Variants in GAREM2 observed in about 807,000 individuals in gnomAD.
GAREM2 encodes the protein GRB2 associated regulator of MAPK1 subtype 2.
Under a neutral mutation model 55.6 loss-of-function variants are expected in GAREM2, and 30 were observed. The ratio of observed to expected loss-of-function variants is 0.54; its 90% CI spans 0.40 to 0.73. The LOEUF is 0.73. Ranked by LOEUF, GAREM2 falls within the 30% of genes least tolerant of loss-of-function variation. GAREM2 has a pLI of 0.00. For missense variants in GAREM2, 1,075 were observed against 1,257.7 expected (o/e 0.85, Z 2.20); for synonymous variants, 550 against 569.1 (o/e 0.97, Z 0.48).
intron 2 of GAREM2, 104 bp from the exon 3 acceptor site, chr2:26,182,862 GC>G: frequency 3.6e-6 from 5 of 1,400,044 alleles, no homozygotes; most frequent in Non-Finnish European, 4.9e-6. Context: ...TTCCTGAGGG[GC>G]TGGCCGAGAT....
chr2:26,193,583 A>G (rs1187841029), downstream of GAREM2: 2 of 1,612,662 alleles, frequency 1.2e-6, no homozygotes, highest in Admixed American at 1.7e-5. Flanking sequence ...TCACCTAGGA[A>G]GCCCTTGGAC....
rs532158450 is a variant in GAREM2, at chr2:26,174,969, G to GC, written c.113-1370dup. On this transcript the variant is annotated intron_variant, in intron 1 of 5. Coordinates refer to ENST00000401533, the MANE Select transcript of GAREM2 (RefSeq NM_001168241.2). The stretch of plus-strand genomic sequence containing the variant: ...GCAGAGTTGGAGGAGAGCTTCTTGG[G>GC]CCCCCGGAGGTGAGGAGGTACAGGG... Among the ~76,000 whole-genome samples, 91 of 152,194 alleles carry GC rather than the reference G, an allele frequency of 6.0e-4. 2 individuals carry two copies. In the South Asian group the frequency reaches 0.018, roughly 30 times the overall value.
chr2:26,193,901 G>C, downstream of GAREM2: 1 of 721,650 alleles, frequency 1.4e-6, no homozygotes, highest in Non-Finnish European at 2.4e-6. Context: ...CCAGGCCCAG[G>C]ACTGGTGCTA....
At chr2:26,192,455 A>G (rs1558314086), downstream of GAREM2, 2 of 1,172,848 alleles carry the variant, frequency 1.7e-6, no homozygotes, top group Non-Finnish European at 2.6e-6. Flanking sequence ...GAGTGTTACT[A>G]TTTGTTCTCA....
Position 26,187,981 on chromosome 2 carries a change from C to T in GAREM2, c.2349C>T (p.Ala783=), listed in dbSNP as rs1054051134. The T allele has an allele frequency of 2.1e-6, 3 of 1,461,786 alleles. No homozygotes were observed. The highest frequency in any genetic ancestry group is 2.7e-6 in the Non-Finnish European group (3 of 1,101,852). 90.6% of individuals were successfully genotyped at this position (1,461,786 alleles called of 1,614,324 possible). The change falls in exon 6 of 6, where the codon GCC becomes GCT. Residue 783 remains alanine, a synonymous_variant. Transcript: ENST00000401533. ...AAGGGCGCCTGGAAGGGCCTCCTGC[C>T]AGTCCCCGGGATGGAGCCACAGGCT... is the stretch of plus-strand genomic sequence containing the variant. ...LTQGRLEGPP[A]SPRDGATGFG...
At chr2:26,195,106 T>C in the GAREM2 span, 1 of 1,613,618 alleles carries the variant, frequency 6.2e-7, no homozygotes, top group Non-Finnish European at 8.5e-7. Flanking sequence ...ACCACAATGA[T>C]GACCTTCCCC....
downstream of GAREM2, chr2:26,191,396 C>CTGAA: frequency 6.2e-7 from 1 of 1,614,160 alleles, no homozygotes; most frequent in African/African-American, 1.3e-5. Context: ...CGGAAAGGCC[C>CTGAA]TGAATAGAGA....
chr2:26,201,561 C>T, the GAREM2 span, among the ~76,000 whole-genome samples: 7 of 152,284 alleles, frequency 4.6e-5, no homozygotes, highest in African/African-American at 1.7e-4. Context: ...ATTCTTTCTA[C>T]CATAGAATGC....
chr2:26,195,286 A>G, the GAREM2 span: 1 of 1,464,946 alleles, frequency 6.8e-7, no homozygotes, highest in Non-Finnish European at 9.6e-7. Context: ...GAGGAACCTG[A>G]GAGCATTCCT....
the GAREM2 span, among the ~76,000 whole-genome samples, chr2:26,201,876 C>T: frequency 6.6e-6 from 1 of 151,804 alleles, no homozygotes; most frequent in Non-Finnish European, 1.5e-5. Context: ...CTCACTGCAA[C>T]CTCTTGTCTC....
chr2:26,180,449 G>A (rs1432971767), intron 2 of GAREM2, among the ~76,000 whole-genome samples: 1 of 152,166 alleles, frequency 6.6e-6, no homozygotes, highest in Non-Finnish European at 1.5e-5. Flanking sequence ...CCACCTGTGG[G>A]CTGGTGACCT....
At chr2:26,192,029 G>T (rs549403060), downstream of GAREM2, among the ~76,000 whole-genome samples, 1 of 152,164 alleles carries the variant, frequency 6.6e-6, no homozygotes, top group South Asian at 2.1e-4. Flanking sequence ...ACGTGGCCTG[G>T]TTCTCACCTA....
At chr2:26,193,707 G>A (rs921898736), downstream of GAREM2, 4 of 1,613,952 alleles carry the variant, frequency 2.5e-6, no homozygotes, top group Non-Finnish European at 3.4e-6. Context: ...CCACCAGTGT[G>A]GCGGCACCCA....
rs57492578 is a variant in GAREM2, at chr2:26,184,244, C to A, written c.396C>A (p.Gly132=). ...TCTGGGATCCCCAGGTGGTGTCGGG[C>A]GAGTTCAGCGAGGACAGCGAGGTGT... The part of the protein sequence containing the change: ...AITFSVKVVS[G]EFSEDSEVYN... Residue 132 remains glycine (G), a synonymous_variant, in exon 4 of 6, where the codon GGC becomes GGA. Transcript: ENST00000401533. The A allele has an allele frequency of 5.2e-6, 8 of 1,550,042 alleles. No homozygotes were observed. The highest frequency in any genetic ancestry group is 7.0e-6 in the Non-Finnish European group (8 of 1,146,118).
chr2:26,178,726 A>G (rs1668943143), intron 2 of GAREM2, among the ~76,000 whole-genome samples: 1 of 152,146 alleles, frequency 6.6e-6, no homozygotes, highest in Non-Finnish European at 1.5e-5. Flanking sequence ...TCTCCCAGGG[A>G]ACCGTGGGTC....
downstream of GAREM2, among the ~76,000 whole-genome samples, chr2:26,194,037 C>T (rs1191282355): frequency 6.6e-6 from 1 of 152,172 alleles, no homozygotes; most frequent in African/African-American, 2.4e-5. Flanking sequence ...GTTTGCATTT[C>T]TGAATCTCAA....
At chr2:26,178,233 A>G (rs1574586576) in intron 2 of GAREM2, among the ~76,000 whole-genome samples, 1 of 152,228 alleles carries the variant, frequency 6.6e-6, no homozygotes, top group Non-Finnish European at 1.5e-5. Context: ...GAAATTTCCA[A>G]GCTTGGTTCA....
intron 3 of GAREM2, among the ~76,000 whole-genome samples, chr2:26,183,543 G>C (rs1268876466): frequency 6.6e-6 from 1 of 152,194 alleles, no homozygotes; most frequent in Non-Finnish European, 1.5e-5. Context: ...GGGCAACATG[G>C]AGAGACCCTG....
At chr2:26,199,540 C>G in the GAREM2 span, among the ~76,000 whole-genome samples, 1 of 152,050 alleles carries the variant, frequency 6.6e-6, no homozygotes, top group African/African-American at 2.4e-5. Context: ...AACATTCTTC[C>G]CTTCCTTGGA....
Sources: allele counts gnomAD v4.1 joint callset (sites outside exome capture counted in the v4.1 genomes callset), GRCh38; gene constraint gnomAD v4.1.1; transcripts MANE v1.5; gene names NCBI Gene and HGNC (gene_info 2026-07-23, HGNC 2026-07-21).